The following CNBD1 variants were observed in gnomAD, a reference collection of about 807,000 sequenced individuals.
CNBD1 encodes cyclic nucleotide-binding domain-containing protein 1.
CNBD1 carries 71 observed loss-of-function variants against 54.4 expected under a neutral mutation model. The observed-to-expected ratio is 1.30, with a 90% CI of 1.08 to 1.59. CNBD1 has a LOEUF of 1.59. Ranked by LOEUF, CNBD1 falls within the 40% of genes most tolerant of loss-of-function variation. CNBD1 has a pLI of 0.00. For missense variants in CNBD1, 659 were observed against 518.0 expected, an observed-to-expected ratio of 1.27 and a Z score of -2.64; for synonymous variants, 182 against 170.7, an observed-to-expected ratio of 1.07 and a Z score of -0.51.
chr8:87,205,913 A>C (rs1438484008), intron 4 of CNBD1, 80 bp from the exon 5 acceptor site: 1 of 1,167,754 alleles, frequency 8.6e-7, no homozygotes, highest in Non-Finnish European at 1.1e-6. Flanking sequence ...ACAAATTTGG[A>C]AACTTAAAAA....
intron 1 of CNBD1, among the ~76,000 whole-genome samples, chr8:86,871,896 A>G (rs567242126): frequency 1.1e-4 from 17 of 152,322 alleles, no homozygotes; most frequent in Middle Eastern, 6.8e-3. Context: ...TAAAACCCTC[A>G]TAAACCATCG....
intron 6 of CNBD1, among the ~76,000 whole-genome samples, chr8:87,279,474 C>G (rs2130865298): frequency 6.6e-6 from 1 of 151,394 alleles, no homozygotes; most frequent in Non-Finnish European, 1.5e-5. Context: ...TAAAGCAATA[C>G]CCTGTATGAT....
At chr8:87,301,797 A>G (rs1452262583) in intron 8 of CNBD1, among the ~76,000 whole-genome samples, 1 of 152,198 alleles carries the variant, frequency 6.6e-6, no homozygotes, top group Non-Finnish European at 1.5e-5. Context: ...AAAAAATGAT[A>G]AAGGGGATAT....
intron 4 of CNBD1, among the ~76,000 whole-genome samples, chr8:87,183,654 A>G (rs1045729862): frequency 1.3e-5 from 2 of 151,926 alleles, no homozygotes; most frequent in African/African-American, 2.4e-5. Context: ...TTTCATCTGT[A>G]TGGGCTGATA....
intron 4 of CNBD1, among the ~76,000 whole-genome samples, chr8:87,027,255 C>T (rs900990903): frequency 6.6e-6 from 1 of 151,898 alleles, no homozygotes; most frequent in Non-Finnish European, 1.5e-5. Flanking sequence ...GCTCCCATGG[C>T]AGTTTTATTT....
chr8:87,239,733 G>C (rs1293031061), intron 6 of CNBD1, among the ~76,000 whole-genome samples: 1 of 151,978 alleles, frequency 6.6e-6, no homozygotes, highest in Non-Finnish European at 1.5e-5. Flanking sequence ...AATTGTTAAA[G>C]CTCCAAGCAT....
intron 2 of CNBD1, among the ~76,000 whole-genome samples, chr8:87,413,391 T>G (rs2130986895): frequency 6.6e-6 from 1 of 152,248 alleles, no homozygotes; most frequent in Non-Finnish European, 1.5e-5. Context: ...TTTTAACACC[T>G]AGTGTCATTT....
intron 3 of CNBD1, among the ~76,000 whole-genome samples, chr8:86,937,456 C>G (rs553893949): frequency 1.3e-5 from 2 of 152,190 alleles, no homozygotes; most frequent in African/African-American, 2.4e-5. Context: ...AAAGTCTTAA[C>G]TCATTTCAGC....
In CNBD1 at chr8:86,990,243, T is replaced by C. The variant is rs544902708; in HGVS notation, c.431+50489T>C. Among the ~76,000 whole-genome samples, 85 of 152,284 alleles carry C rather than the reference T, an allele frequency of 5.6e-4. 1 individual carries two copies. Among genetic ancestry groups the C allele is most frequent in the African/African-American group, 2.0e-3 (83 of 41,558 alleles). ...TCCATTTTGCTTCGGTTGTCTGTGT[T>C]TGTGGAATATTACTTGAGATCTTTG... On this transcript the variant is annotated intron_variant, in intron 4 of 10. Transcript: ENST00000518476.
chr8:87,315,396 T>C (rs1276847357), intron 8 of CNBD1, among the ~76,000 whole-genome samples: 2 of 151,994 alleles, frequency 1.3e-5, no homozygotes, highest in Non-Finnish European at 2.9e-5. Flanking sequence ...TTTTTTTTTT[T>C]GGCTCATGGT....
At chr8:87,024,966 G>A (rs1192644382) in intron 4 of CNBD1, among the ~76,000 whole-genome samples, 1 of 152,170 alleles carries the variant, frequency 6.6e-6, no homozygotes, top group Non-Finnish European at 1.5e-5. Flanking sequence ...CTAAGAATCA[G>A]ACAAAGAGGC....
chr8:87,094,215 T>C (rs1811273479), intron 4 of CNBD1, among the ~76,000 whole-genome samples: 2 of 152,064 alleles, frequency 1.3e-5, no homozygotes, highest in Non-Finnish European at 2.9e-5. Flanking sequence ...TATCACTTTT[T>C]AGCTTTTTCT....
chr8:86,986,992 C>G (rs1307244838), intron 4 of CNBD1, among the ~76,000 whole-genome samples: 1 of 152,064 alleles, frequency 6.6e-6, no homozygotes, highest in Admixed American at 6.6e-5. Flanking sequence ...GGCTATTCCA[C>G]TTCATTTTTG....
chr8:87,385,738 A>G (rs559812844), downstream of CNBD1, among the ~76,000 whole-genome samples: 10 of 152,276 alleles, frequency 6.6e-5, no homozygotes, highest in South Asian at 1.5e-3. Flanking sequence ...GCAGACTTAA[A>G]TGTCCCTGTC....
chr8:87,363,505 A>T (rs1162276874), intron 10 of CNBD1, among the ~76,000 whole-genome samples: 2 of 152,128 alleles, frequency 1.3e-5, no homozygotes, highest in African/African-American at 4.8e-5. Flanking sequence ...CCTCTCCAGC[A>T]TCTGTTCATG....
At chr8:87,100,939 AT>A (rs1024715590) in intron 4 of CNBD1, among the ~76,000 whole-genome samples, 1 of 152,204 alleles carries the variant, frequency 6.6e-6, no homozygotes, top group African/African-American at 2.4e-5. Context: ...TGTAGGGAAG[AT>A]TCCAATTTTA....
chr8:87,312,889 T>C (rs1213017844), intron 8 of CNBD1, among the ~76,000 whole-genome samples: 3 of 152,046 alleles, frequency 2.0e-5, no homozygotes, highest in Admixed American at 6.6e-5. Context: ...TTTAGGAAGA[T>C]AGAGCTATGA....
intron 5 of CNBD1, among the ~76,000 whole-genome samples, chr8:87,207,501 A>G (rs1428894670): frequency 6.6e-6 from 1 of 152,018 alleles, no homozygotes; most frequent in Non-Finnish European, 1.5e-5. Context: ...TTTAAACTAT[A>G]CAAGTGGGTC....
At chr8:87,330,388 T>A (rs991999503) in intron 8 of CNBD1, among the ~76,000 whole-genome samples, 1 of 151,964 alleles carries the variant, frequency 6.6e-6, no homozygotes. Context: ...TTTTTTCTGT[T>A]TACTTGGATT....
Sources: allele counts gnomAD v4.1 joint callset (sites outside exome capture counted in the v4.1 genomes callset), GRCh38; gene constraint gnomAD v4.1.1; transcripts MANE v1.5; gene names NCBI Gene and HGNC (gene_info 2026-07-23, HGNC 2026-07-21).